Variants in DYNC1I1 observed in about 807,000 individuals in gnomAD.
The protein encoded by DYNC1I1 is cytoplasmic dynein 1 intermediate chain 1.
A neutral mutation model predicts 86.6 loss-of-function variants in DYNC1I1; 43 were observed. That is an observed-to-expected ratio of 0.50 (90% CI 0.39 to 0.64). The LOEUF is 0.64. Among genes scored for constraint, DYNC1I1 ranks in the 30% least tolerant of loss-of-function variants. The probability of loss-of-function intolerance (pLI) is 0.00; values close to 1 mark genes in which losing one functional copy is unlikely to be tolerated. For missense variants in DYNC1I1, 604 were observed against 788.8 expected (o/e 0.77, Z 2.81); for synonymous variants, 262 against 283.7 (o/e 0.92, Z 0.77).
chr7:95,785,229 T>C (rs1434982453), intron 1 of DYNC1I1, among the ~76,000 whole-genome samples: 1 of 152,028 alleles, frequency 6.6e-6, no homozygotes, highest in African/African-American at 2.4e-5. Context: ...CTGGACAACA[T>C]GGTAAAACCC....
At chr7:96,042,638 T>C (rs187163944) in intron 14 of DYNC1I1, among the ~76,000 whole-genome samples, 96 of 152,234 alleles carry the variant, frequency 6.3e-4, no homozygotes, top group African/African-American at 2.3e-3. Context: ...ACAACATCAA[T>C]AAGAGTAATA....
Position 95,944,588 on chromosome 7 carries a change from G to A in DYNC1I1, c.491-32924G>A, listed in dbSNP as rs1029156765. ...ACACATGCACATGTATGTTTATTGC[G>A]GCACTATTCAGAATAGCAAAGACTT... On this transcript the variant is annotated intron_variant, in intron 6 of 16. Coordinates refer to ENST00000447467, the MANE Select transcript of DYNC1I1 (RefSeq NM_001135556.2). Among the ~76,000 whole-genome samples the A allele has an allele frequency of 1.3e-3, 195 of 152,030 alleles. 2 individuals carry two copies. The highest frequency in any genetic ancestry group is 4.5e-3 in the African/African-American group (188 of 41,426).
intron 6 of DYNC1I1, among the ~76,000 whole-genome samples, chr7:95,917,630 T>C (rs531783409): frequency 6.6e-6 from 1 of 152,292 alleles, no homozygotes; most frequent in South Asian, 2.1e-4. Flanking sequence ...AAATAGAAAG[T>C]ATCAAAAATA....
At chr7:95,843,763 G>A (rs1327788009) in intron 5 of DYNC1I1, among the ~76,000 whole-genome samples, 3 of 152,160 alleles carry the variant, frequency 2.0e-5, no homozygotes, top group Non-Finnish European at 4.4e-5. Context: ...AACTCAACTT[G>A]TCTTTTTACC....
At chr7:96,022,541 G>A (rs1477328602) in intron 10 of DYNC1I1, among the ~76,000 whole-genome samples, 3 of 152,036 alleles carry the variant, frequency 2.0e-5, no homozygotes, top group African/African-American at 4.8e-5. Context: ...CCAGGACAGA[G>A]ACTTAGAGAG....
At chr7:95,928,099 T>C (rs1791793311) in intron 6 of DYNC1I1, among the ~76,000 whole-genome samples, 1 of 152,200 alleles carries the variant, frequency 6.6e-6, no homozygotes, top group South Asian at 2.1e-4. Context: ...GCAAATAAAA[T>C]GGAGAGTCAG....
At chr7:96,085,126 C>T (rs144309252) in intron 16 of DYNC1I1, among the ~76,000 whole-genome samples, 6 of 152,290 alleles carry the variant, frequency 3.9e-5, no homozygotes, top group Admixed American at 3.3e-4. Flanking sequence ...AGTCATCTGC[C>T]TCATCTCCTG....
At chr7:95,835,884 C>T (rs1338467053) in intron 5 of DYNC1I1, among the ~76,000 whole-genome samples, 2 of 152,058 alleles carry the variant, frequency 1.3e-5, no homozygotes, top group African/African-American at 2.4e-5. Context: ...GTGAGATGGG[C>T]TTCCTGAATA....
At chr7:95,913,331 CAT>C (rs907315659) in intron 6 of DYNC1I1, among the ~76,000 whole-genome samples, 8 of 152,176 alleles carry the variant, frequency 5.3e-5, no homozygotes, top group African/African-American at 1.9e-4. Flanking sequence ...TGGTGCCACA[CAT>C]ATGAAAGAGA....
chr7:95,844,111 G>A (rs1789362751), intron 5 of DYNC1I1, among the ~76,000 whole-genome samples: 1 of 152,210 alleles, frequency 6.6e-6, no homozygotes, highest in African/African-American at 2.4e-5. Context: ...AGGGCTGGGA[G>A]AGAAGAAAAG....
intron 2 of DYNC1I1, among the ~76,000 whole-genome samples, chr7:95,808,354 A>G (rs1201988357): frequency 6.6e-6 from 1 of 152,186 alleles, no homozygotes; most frequent in African/African-American, 2.4e-5. Context: ...AGTGTGAATT[A>G]GGACCACCCA....
At chr7:95,857,279 T>A (rs1789750452) in intron 5 of DYNC1I1, among the ~76,000 whole-genome samples, 1 of 152,212 alleles carries the variant, frequency 6.6e-6, no homozygotes, top group African/African-American at 2.4e-5. Flanking sequence ...CAAAAGCTGC[T>A]ATAATTTTTT....
intron 10 of DYNC1I1, among the ~76,000 whole-genome samples, chr7:96,010,366 C>T (rs957601514): frequency 2.0e-5 from 3 of 152,124 alleles, no homozygotes; most frequent in African/African-American, 7.2e-5. Context: ...GGGAGGCGAC[C>T]TCACATGAAG....
chr7:95,775,974 A>G (rs778196445), intron 1 of DYNC1I1, among the ~76,000 whole-genome samples: 8 of 152,208 alleles, frequency 5.3e-5, no homozygotes, highest in Non-Finnish European at 8.8e-5. Flanking sequence ...GACTGGGCAC[A>G]GTAGCTTACA....
chr7:95,945,511 C>T (rs1374172912), intron 6 of DYNC1I1, among the ~76,000 whole-genome samples: 1 of 152,112 alleles, frequency 6.6e-6, no homozygotes, highest in Non-Finnish European at 1.5e-5. Context: ...TAACAGCTCT[C>T]TCATATAATA....
chr7:95,792,471 A>C (rs1483218098), intron 1 of DYNC1I1, among the ~76,000 whole-genome samples: 1 of 152,166 alleles, frequency 6.6e-6, no homozygotes, highest in African/African-American at 2.4e-5. Flanking sequence ...ACAGAGAGGA[A>C]TCTGAATGAA....
At chr7:95,841,051 G>A (rs552173311) in intron 5 of DYNC1I1, among the ~76,000 whole-genome samples, 58 of 152,280 alleles carry the variant, frequency 3.8e-4, no homozygotes, top group Non-Finnish European at 6.9e-4. Context: ...TCACTCAGAC[G>A]CAGGCTGTTT....
intron 10 of DYNC1I1, among the ~76,000 whole-genome samples, chr7:96,026,568 T>C (rs1307787822): frequency 1.3e-5 from 2 of 152,194 alleles, no homozygotes; most frequent in Non-Finnish European, 2.9e-5. Context: ...GGCTTTCTGC[T>C]GTCTAGCCCA....
intron 5 of DYNC1I1, among the ~76,000 whole-genome samples, chr7:95,858,526 T>C (rs1291733698): frequency 6.6e-6 from 1 of 152,162 alleles, no homozygotes; most frequent in African/African-American, 2.4e-5. Flanking sequence ...ATCAAATATA[T>C]AATGTACATA....
Sources: gnomAD v4.1 joint callset for allele counts (sites outside exome capture counted in the v4.1 genomes callset) on GRCh38, gnomAD v4.1.1 for gene constraint, MANE v1.5 for transcripts, NCBI Gene and HGNC (gene_info 2026-07-23, HGNC 2026-07-21) for gene names.